Variants in ANO4 observed in about 807,000 individuals in gnomAD.
ANO4 encodes the protein anoctamin 4, also known as anoctamin-4.
In ANO4, 69 loss-of-function variants were observed where a neutral mutation model predicts 141.9. The observed-to-expected ratio is 0.49, with a 90% CI of 0.40 to 0.59. ANO4 has a LOEUF of 0.59. ANO4 is among the 20% of genes least tolerant of loss of function. The pLI is 0.00. For synonymous variants in ANO4, 350 were observed against 394.3 expected, an observed-to-expected ratio of 0.89 and a Z score of 1.33; for missense variants, 894 against 1,162.2, an observed-to-expected ratio of 0.77 and a Z score of 3.36.
intron 1 of ANO4, among the ~76,000 whole-genome samples, chr12:100,815,405 G>C (rs905999171): frequency 1.3e-5 from 2 of 152,092 alleles, no homozygotes; most frequent in Non-Finnish European, 2.9e-5. Context: ...TTGATGAGTA[G>C]ATAAATATGA....
intron 11 of ANO4, 143 bp downstream of exon 11, chr12:101,040,219 T>A: frequency 9.4e-7 from 1 of 1,068,194 alleles, no homozygotes; most frequent in Non-Finnish European, 1.3e-6. Flanking sequence ...AAGAGGAAAC[T>A]CATCTGAGGA....
intron 13 of ANO4, among the ~76,000 whole-genome samples, chr12:101,044,412 C>T (rs2047541587): frequency 2.0e-5 from 3 of 152,206 alleles, no homozygotes; most frequent in Non-Finnish European, 4.4e-5. Flanking sequence ...ACATATTCCT[C>T]ACATTCCTAG....
chr12:100,779,058 A>G (rs1190372678), intron 3 of ANO4, among the ~76,000 whole-genome samples: 1 of 151,906 alleles, frequency 6.6e-6, no homozygotes, highest in Non-Finnish European at 1.5e-5. Context: ...AAAAGAAAAA[A>G]AAAACAAAAA....
At chr12:101,026,873 A>G (rs897890412) in intron 9 of ANO4, among the ~76,000 whole-genome samples, 17 of 152,206 alleles carry the variant, frequency 1.1e-4, no homozygotes, top group Non-Finnish European at 2.4e-4. Context: ...AAAAAAATGG[A>G]TAACCTAGAC....
At chr12:100,729,974 T>G (rs1043580619) in intron 1 of ANO4, among the ~76,000 whole-genome samples, 6 of 152,196 alleles carry the variant, frequency 3.9e-5, no homozygotes, top group Non-Finnish European at 5.9e-5. Context: ...GATTTCTCAT[T>G]ATGCTTTTTC....
chr12:101,094,377 A>G, intron 18 of ANO4, 85 bp downstream of exon 18: 1 of 1,087,158 alleles, frequency 9.2e-7, no homozygotes, highest in South Asian at 1.8e-5. Context: ...ATACTGCTGG[A>G]AAGAAATAGT....
At chr12:101,049,076 A>T (rs1215009633) in intron 14 of ANO4, among the ~76,000 whole-genome samples, 1 of 152,220 alleles carries the variant, frequency 6.6e-6, no homozygotes, top group Non-Finnish European at 1.5e-5. Context: ...AATTCATGGA[A>T]AGCAGTTAAT....
chr12:101,016,188 G>A (rs1036353099), intron 8 of ANO4, among the ~76,000 whole-genome samples: 3 of 152,158 alleles, frequency 2.0e-5, no homozygotes, highest in East Asian at 1.9e-4. Flanking sequence ...ATAAAGAAAC[G>A]AGGTCTATTT....
chr12:101,004,819 G>A (rs1270766857), intron 8 of ANO4, among the ~76,000 whole-genome samples: 3 of 152,172 alleles, frequency 2.0e-5, no homozygotes, highest in Non-Finnish European at 4.4e-5. Context: ...AGAAGAGGAA[G>A]CAAGAGATAC....
chr12:100,769,410 T>C (rs376146366), intron 3 of ANO4, among the ~76,000 whole-genome samples: 7 of 152,336 alleles, frequency 4.6e-5, no homozygotes, highest in African/African-American at 1.7e-4. Context: ...GAGTTTATAG[T>C]GTAGGCATCC....
chr12:100,928,883 G>T (rs2041979409), intron 3 of ANO4, among the ~76,000 whole-genome samples: 1 of 152,110 alleles, frequency 6.6e-6, no homozygotes, highest in Admixed American at 6.6e-5. Context: ...ATTGTGGAGT[G>T]CTGGGGTTAT....
intron 1 of ANO4, among the ~76,000 whole-genome samples, chr12:100,818,082 T>C (rs899929076): frequency 6.6e-6 from 1 of 151,806 alleles, no homozygotes; most frequent in Non-Finnish European, 1.5e-5. Context: ...CCTTATAAAG[T>C]GTTTCCTAAA....
intron 1 of ANO4, among the ~76,000 whole-genome samples, chr12:100,879,724 A>G (rs1212370450): frequency 2.6e-5 from 4 of 152,172 alleles, no homozygotes; most frequent in East Asian, 1.9e-4. Flanking sequence ...GGCTCCTCCA[A>G]TCACCCTTTT....
intron 1 of ANO4, among the ~76,000 whole-genome samples, chr12:100,827,014 A>G (rs1565911502): frequency 6.6e-6 from 1 of 151,966 alleles, no homozygotes; most frequent in Non-Finnish European, 1.5e-5. Flanking sequence ...ATGTCCTTCT[A>G]CTTCCCCAGG....
intron 24 of ANO4, among the ~76,000 whole-genome samples, chr12:101,115,591 T>C (rs1470767323): frequency 3.9e-5 from 6 of 152,254 alleles, no homozygotes; most frequent in Non-Finnish European, 8.8e-5. Context: ...ATACAGGATG[T>C]ATCTAAGTGC....
intron 7 of ANO4, among the ~76,000 whole-genome samples, chr12:100,977,447 A>G (rs1489186646): frequency 6.6e-6 from 1 of 152,138 alleles, no homozygotes; most frequent in African/African-American, 2.4e-5. Context: ...GATACTTGGG[A>G]GTCTGAGGCA....
Position 101,042,435 on chromosome 12 carries a change from A to G in ANO4, c.1121A>G (p.Tyr374Cys). 6 of 1,614,070 alleles carry G rather than the reference A, an allele frequency of 3.7e-6. No homozygotes were observed. Among genetic ancestry groups the G allele is most frequent in the East Asian group, 2.2e-5 (1 of 44,876 alleles). Residue 374 changes from tyrosine (Y) to cysteine (C), a missense_variant, in exon 12 of 28, where the codon TAT becomes TGT. Tyr to Cys is a radical substitution (Grantham distance 194). This residue lies in a region of ANO4 where 637 missense variants were observed against 909.2 expected (regional missense o/e 0.70). Coordinates refer to ENST00000392977, the MANE Select transcript of ANO4 (RefSeq NM_001286615.2). ...TTCATTGGATTGTTTGTCTTTTTGT[A>G]TGGCGTCACCACTCTGGATCACAGC... is the stretch of plus-strand genomic sequence containing the variant. ...AAFIGLFVFLYGVTTLDHSQV... is the reference protein window; with the variant it reads ...AAFIGLFVFLCGVTTLDHSQV...
intron 9 of ANO4, among the ~76,000 whole-genome samples, chr12:101,031,337 C>T (rs111645683): frequency 0.1 from 15,550 of 152,168 alleles, 993 homozygotes; most frequent in East Asian, 0.21. Flanking sequence ...ACAAAAAGCA[C>T]GTGATTATCT....
intron 1 of ANO4, chr12:100,842,066 C>T (rs868635348): frequency 2.0e-5 from 2 of 101,294 alleles, no homozygotes; most frequent in African/African-American, 7.5e-5. Context: ...TATCCACCCC[C>T]CCCCCCCCCC....
Sources: gnomAD v4.1 joint callset for allele counts (sites outside exome capture counted in the v4.1 genomes callset) on GRCh38, gnomAD v4.1.1 for gene constraint, gnomAD v4.1.1 regional missense constraint, MANE v1.5 for transcripts, NCBI Gene and HGNC (gene_info 2026-07-23, HGNC 2026-07-21) for gene names.